The following DPYD variants were observed in gnomAD, a reference collection of about 807,000 sequenced individuals.
DPYD encodes dihydropyrimidine dehydrogenase [NADP(+)].
DPYD carries 109 observed loss-of-function variants against 116.2 expected under a neutral mutation model. That is an observed-to-expected ratio of 0.94 (90% CI 0.80 to 1.10). DPYD has a LOEUF of 1.10. Among genes scored for constraint, DPYD ranks in the 50% least tolerant of loss-of-function variants. DPYD has a pLI of 0.00. For missense variants in DPYD, 1,302 were observed against 1,254.5 expected (o/e 1.04, Z -0.57); for synonymous variants, 440 against 432.0 (o/e 1.02, Z -0.23).
At chr1:97,838,824 C>A (rs1669904618) in intron 2 of DPYD, among the ~76,000 whole-genome samples, 2 of 151,940 alleles carry the variant, frequency 1.3e-5, no homozygotes. Context: ...CGCAGTCCGG[C>A]CTGGGCGACA....
At chr1:97,851,270 C>T (rs1380378392) in intron 2 of DPYD, among the ~76,000 whole-genome samples, 1 of 86,038 alleles carries the variant, frequency 1.2e-5, no homozygotes, top group Non-Finnish European at 2.6e-5. Flanking sequence ...ATATATATGT[C>T]ACTTCTGTTG....
chr1:97,728,391 A>C (rs2101042268), intron 4 of DPYD, among the ~76,000 whole-genome samples: 1 of 152,220 alleles, frequency 6.6e-6, no homozygotes, highest in African/African-American at 2.4e-5. Flanking sequence ...TTAAAATTAC[A>C]GCATGAAACT....
intron 12 of DPYD, among the ~76,000 whole-genome samples, chr1:97,540,809 T>C (rs900370188): frequency 1.3e-5 from 2 of 152,188 alleles, no homozygotes; most frequent in African/African-American, 4.8e-5. Context: ...TAGTTACCTA[T>C]GGGCTGTCAG....
chr1:97,381,056 A>T (rs546942197), intron 15 of DPYD, among the ~76,000 whole-genome samples: 25 of 152,176 alleles, frequency 1.6e-4, no homozygotes, highest in Non-Finnish European at 3.1e-4. Context: ...ACCTCTTGTT[A>T]TGTAGACTGC....
intron 19 of DPYD, among the ~76,000 whole-genome samples, chr1:97,196,294 T>A (rs370106971): frequency 7.9e-5 from 12 of 151,950 alleles, no homozygotes; most frequent in South Asian, 2.1e-4. Context: ...TTATTTATTT[T>A]TTTATTTATT....
chr1:97,270,810 G>A (rs535790066), intron 18 of DPYD, among the ~76,000 whole-genome samples: 2 of 152,254 alleles, frequency 1.3e-5, no homozygotes, highest in South Asian at 2.1e-4. Context: ...TACATATTTC[G>A]AGCAAATTTA....
chr1:97,744,257 T>C (rs751826322), intron 3 of DPYD, among the ~76,000 whole-genome samples: 4 of 152,034 alleles, frequency 2.6e-5, no homozygotes, highest in Admixed American at 2.0e-4. Flanking sequence ...TTTGACTCCA[T>C]AGTATGACAC....
At chr1:97,774,733 C>T in intron 3 of DPYD, 1 of 187,870 alleles carries the variant, frequency 5.3e-6, no homozygotes. Context: ...AAAGTATCTT[C>T]TGGAGAGCAC....
intron 16 of DPYD, among the ~76,000 whole-genome samples, chr1:97,335,298 G>A (rs990229876): frequency 2.1e-4 from 19 of 91,630 alleles, no homozygotes; most frequent in African/African-American, 8.7e-4. Context: ...ATGGAGTTAA[G>A]TACACACACA....
Position 97,371,672 on chromosome 1 carries a change from T to C in DPYD, c.2058+1889A>G, listed in dbSNP as rs147708688. On this transcript the variant is annotated intron_variant, in intron 16 of 22. Coordinates refer to ENST00000370192, the MANE Select transcript of DPYD (RefSeq NM_000110.4). ...ATTTAAAATATGGAACATTCATGTG[T>C]CCTCAGGCAGAGAAATCATTTAAAA... 7.6e-3 allele frequency among the ~76,000 whole-genome samples: 1,157 copies of C among 152,314 alleles called. 16 individuals are homozygous for C. The highest frequency in any genetic ancestry group is 0.027 in the African/African-American group (1,106 of 41,570).
intron 1 of DPYD, among the ~76,000 whole-genome samples, chr1:97,908,073 C>T (rs901142022): frequency 3.9e-5 from 6 of 151,920 alleles, no homozygotes; most frequent in African/African-American, 1.4e-4. Context: ...GGAGACAAGG[C>T]GTCACTCTGT....
At chr1:97,456,370 A>G (rs1676686628) in intron 13 of DPYD, among the ~76,000 whole-genome samples, 1 of 152,044 alleles carries the variant, frequency 6.6e-6, no homozygotes, top group Non-Finnish European at 1.5e-5. Flanking sequence ...CTCAGCTAGG[A>G]ATCATTCTGT....
chr1:97,445,007 A>G (rs986914804), intron 14 of DPYD, among the ~76,000 whole-genome samples: 56 of 152,176 alleles, frequency 3.7e-4, no homozygotes, highest in African/African-American at 1.3e-3. Context: ...GGCAAAGGTA[A>G]AAACAAGCAC....
At chr1:97,155,731 T>C (rs1655398785) in intron 20 of DPYD, among the ~76,000 whole-genome samples, 1 of 148,036 alleles carries the variant, frequency 6.8e-6, no homozygotes, top group Non-Finnish European at 1.5e-5. Flanking sequence ...TTGTGCTAGT[T>C]ATCTTTTTTC....
At chr1:97,596,305 T>A (rs894146488) in intron 8 of DPYD, among the ~76,000 whole-genome samples, 5 of 152,156 alleles carry the variant, frequency 3.3e-5, no homozygotes, top group African/African-American at 1.2e-4. Flanking sequence ...ACAGAGATCA[T>A]TTAGAGTGGT....
intron 12 of DPYD, among the ~76,000 whole-genome samples, chr1:97,533,797 T>A (rs923071815): frequency 3.3e-5 from 5 of 152,166 alleles, no homozygotes; most frequent in Non-Finnish European, 7.4e-5. Context: ...AAGGTGAGGA[T>A]AGAGTGTGAA....
intron 20 of DPYD, among the ~76,000 whole-genome samples, chr1:97,147,263 C>T (rs542794721): frequency 3.3e-5 from 5 of 152,200 alleles, no homozygotes; most frequent in South Asian, 4.1e-4. Flanking sequence ...GGAGAAGAAT[C>T]GCCTGAACTC....
Position 97,171,320 on chromosome 1 carries a change from T to C in DPYD, c.2622+21749A>G, listed in dbSNP as rs111274620. On this transcript the variant is annotated intron_variant, in intron 20 of 22. Transcript: ENST00000370192. ...ACTGAATACAGGTGAGTAAGTATTGTATTATTTCTACTACAACTGACTGCC... is the reference window on the plus strand; with the variant it reads ...ACTGAATACAGGTGAGTAAGTATTGCATTATTTCTACTACAACTGACTGCC... 9.2e-3 allele frequency among the ~76,000 whole-genome samples: 1,398 copies of C among 152,280 alleles called. 19 individuals carry two copies. Among genetic ancestry groups the C allele is most frequent in the African/African-American group, 0.032 (1,329 of 41,546 alleles).
At chr1:97,190,442 T>C (rs941441470) in intron 20 of DPYD, among the ~76,000 whole-genome samples, 3 of 152,166 alleles carry the variant, frequency 2.0e-5, no homozygotes, top group African/African-American at 7.2e-5. Context: ...TCAGGATCAA[T>C]GCTAGTGGGG....
Sources: allele counts gnomAD v4.1 joint callset (sites outside exome capture counted in the v4.1 genomes callset), GRCh38; gene constraint gnomAD v4.1.1; transcripts MANE v1.5; gene names NCBI Gene and HGNC (gene_info 2026-07-23, HGNC 2026-07-21).